The following PARP15 variants were observed in gnomAD, a reference collection of about 807,000 sequenced individuals.
PARP15 encodes the protein poly(ADP-ribose) polymerase family member 15.
A neutral mutation model predicts 62.1 loss-of-function variants in PARP15; 50 were observed. The observed-to-expected ratio is 0.81, with a 90% CI of 0.64 to 1.02. The LOEUF (loss-of-function observed/expected upper bound fraction) is 1.02. PARP15 is among the 50% of genes least tolerant of loss of function. The probability of loss-of-function intolerance (pLI) is 0.00; values close to 1 mark genes in which losing one functional copy is unlikely to be tolerated. For missense variants in PARP15, 820 were observed against 826.5 expected, an observed-to-expected ratio of 0.99 and a Z score of 0.10; for synonymous variants, 309 against 293.1, an observed-to-expected ratio of 1.05 and a Z score of -0.55.
chr3:122,623,195 G>A (rs1269123513), intron 8 of PARP15, among the ~76,000 whole-genome samples: 4 of 152,094 alleles, frequency 2.6e-5, no homozygotes, highest in South Asian at 4.1e-4. Flanking sequence ...CATTTCTCCC[G>A]ATCTGGAGCT....
rs1291312018 is a variant in PARP15 at position 122,638,706 on chromosome 3, T to C, written c.*2606T>C. 6.6e-6 allele frequency: 1 copy of C among 152,222 alleles called. No homozygotes were observed. The highest frequency in any genetic ancestry group is 1.5e-5 in the Non-Finnish European group (1 of 68,038). The allele number at this position is 152,222 out of a possible 1,614,324, so 9.4% of individuals were successfully genotyped here. A position where few individuals can be genotyped will look rare whatever the true frequency, so the allele number is the denominator to read the frequency against. ...TTGTAGATTCTGGATATTAGCCCTTTGTCAGATGAGTAGATTGCAAAAATT... is the reference window on the plus strand; with the variant it reads ...TTGTAGATTCTGGATATTAGCCCTTCGTCAGATGAGTAGATTGCAAAAATT... On this transcript the variant is annotated 3_prime_UTR_variant, in exon 12 of 12. Transcript: ENST00000464300.
intron 1 of PARP15, among the ~76,000 whole-genome samples, chr3:122,590,515 C>T (rs1263842071): frequency 2.0e-5 from 3 of 152,152 alleles, no homozygotes; most frequent in African/African-American, 7.2e-5. Flanking sequence ...ACCTCGTGAT[C>T]CACCTGCCTC....
At chr3:122,584,873 G>C (rs376616593) in intron 1 of PARP15, among the ~76,000 whole-genome samples, 4 of 152,032 alleles carry the variant, frequency 2.6e-5, no homozygotes, top group Non-Finnish European at 5.9e-5. Context: ...CTACCACGCC[G>C]GGCCCATTTC....
chr3:122,593,873 A>G (rs1369317647), intron 1 of PARP15, among the ~76,000 whole-genome samples: 1 of 152,194 alleles, frequency 6.6e-6, no homozygotes, highest in Non-Finnish European at 1.5e-5. Flanking sequence ...TCTAACACTC[A>G]GTAAGAGAGA....
At chr3:122,602,434 G>A (rs1322994362) in intron 1 of PARP15, among the ~76,000 whole-genome samples, 3 of 152,116 alleles carry the variant, frequency 2.0e-5, no homozygotes, top group African/African-American at 4.8e-5. Flanking sequence ...AGGGTACACC[G>A]AAAAACATAT....
intron 8 of PARP15, 53 bp from the exon 9 acceptor site, chr3:122,626,774 A>G (rs1936753170): frequency 2.0e-6 from 3 of 1,524,940 alleles, no homozygotes; most frequent in Admixed American, 3.7e-5. Context: ...GCCATATTTC[A>G]TCATATTAGC....
chr3:122,621,438 T>C lies in PARP15; in HGVS notation c.1064-6T>C, dbSNP rs752190639. The C allele has an allele frequency of 1.6e-5, 26 of 1,591,392 alleles. No homozygotes were observed. The highest frequency in any genetic ancestry group is 3.4e-5 in the South Asian group (3 of 87,074). On this transcript the variant is annotated splice_region_variant and splice_polypyrimidine_tract_variant and intron_variant, in intron 7 of 11. Coordinates refer to ENST00000464300, the MANE Select transcript of PARP15 (RefSeq NM_001113523.3). ...TGCATGTTTGTTTTTCTTTCCTTTT[T>C]TTCAGCTGCACAGCCTCACAGAGAT...
chr3:122,605,085 G>A (rs1406380900), intron 1 of PARP15, among the ~76,000 whole-genome samples: 4 of 152,032 alleles, frequency 2.6e-5, no homozygotes, highest in South Asian at 2.1e-4. Context: ...CTGGTAGGGC[G>A]CATCATCAAA....
Position 122,638,125 on chromosome 3 carries a change from G to T in PARP15, c.*2025G>T, listed in dbSNP as rs1484202324. 2.0e-5 allele frequency: 3 copies of T among 151,912 alleles called. No homozygotes were observed. Among genetic ancestry groups the T allele is most frequent in the Non-Finnish European group, 4.4e-5 (3 of 67,960 alleles). The allele number at this position is 151,912 out of a possible 1,614,324, so 9.4% of individuals were successfully genotyped here. ...TCATCCATGTCCCTACAAAGGACAT[G>T]AACTCATCATTTTTTATGGCTGCAT... is the stretch of plus-strand genomic sequence containing the variant. On this transcript the variant is annotated 3_prime_UTR_variant, in exon 12 of 12. Transcript: ENST00000464300.
chr3:122,602,497 T>G (rs1421594150), intron 1 of PARP15, among the ~76,000 whole-genome samples: 1 of 152,200 alleles, frequency 6.6e-6, no homozygotes, highest in Non-Finnish European at 1.5e-5. Flanking sequence ...TCCTACACGT[T>G]TCTCCTGCGG....
intron 1 of PARP15, among the ~76,000 whole-genome samples, chr3:122,584,766 C>T (rs1038745383): frequency 6.6e-5 from 10 of 151,942 alleles, no homozygotes; most frequent in East Asian, 3.9e-4. Context: ...TTAGTGGAGA[C>T]GGCGTTTCAC....
intron 1 of PARP15, among the ~76,000 whole-genome samples, chr3:122,580,374 G>A (rs369272500): frequency 7.2e-5 from 11 of 152,200 alleles, no homozygotes; most frequent in East Asian, 3.9e-4. Flanking sequence ...TCCTCTTGAT[G>A]AATTGGTTCA....
At chr3:122,597,468 G>A (rs925428932) in intron 1 of PARP15, among the ~76,000 whole-genome samples, 4 of 151,934 alleles carry the variant, frequency 2.6e-5, no homozygotes, top group South Asian at 2.1e-4. Context: ...CCATTAACTC[G>A]TCATCCTGAT....
In PARP15 at chr3:122,638,794, C is replaced by G. The variant is rs958856209; in HGVS notation, c.*2694C>G. The G allele has an allele frequency of 3.9e-5, 6 of 152,222 alleles. No individual in the cohort carries two copies. The highest frequency in any genetic ancestry group is 8.8e-5 in the Non-Finnish European group (6 of 68,002). 9.4% of individuals were successfully genotyped at this position (152,222 alleles called of 1,614,324 possible). On this transcript the variant is annotated 3_prime_UTR_variant, in exon 12 of 12. Coordinates refer to ENST00000464300, the MANE Select transcript of PARP15 (RefSeq NM_001113523.3). Reference sequence around the variant, plus strand: ...TAGTTTCTTTTGTTGTACAGAAGCTCTTTAGTTTAATTAGATCCCATATTT... The same window carrying G: ...TAGTTTCTTTTGTTGTACAGAAGCTGTTTAGTTTAATTAGATCCCATATTT...
intron 8 of PARP15, 58 bp downstream of exon 8, chr3:122,621,669 G>A (rs897190050): frequency 1.0e-4 from 155 of 1,479,662 alleles, no homozygotes; most frequent in Non-Finnish European, 1.4e-4. Context: ...TTTAGAATTA[G>A]TCTCACTCTT....
chr3:122,597,647 C>T (rs1324513163), intron 1 of PARP15, among the ~76,000 whole-genome samples: 1 of 152,060 alleles, frequency 6.6e-6, no homozygotes, highest in Non-Finnish European at 1.5e-5. Context: ...GTATTTGTTG[C>T]AATTTGGAAA....
intron 1 of PARP15, among the ~76,000 whole-genome samples, chr3:122,592,538 G>A (rs1483371152): frequency 2.0e-5 from 3 of 151,356 alleles, no homozygotes; most frequent in African/African-American, 7.3e-5. Context: ...AAACCACCAC[G>A]GCAAACATTT....
In PARP15 at chr3:122,610,640, A is replaced by G. The variant is rs892775608; in HGVS notation, c.453A>G (p.Ile151Met). 1 of 1,551,618 alleles carries G rather than the reference A, an allele frequency of 6.4e-7. No individual in the cohort carries two copies. ...RRETEEKVGN[I>M]FMTSGCNLDC... The stretch of plus-strand genomic sequence containing the variant: ...AAACAGAGGAAAAAGTAGGTAACAT[A>G]TTCATGACAAGCGGCTGCAATCTGG... The change falls in exon 3 of 12, where the codon ATA becomes ATG. Residue 151 changes from isoleucine to methionine, a missense_variant. Transcript: ENST00000464300.
chr3:122,635,235 C>CAAT (rs775861274), intron 11 of PARP15, 41 bp downstream of exon 11: 4 of 1,582,262 alleles, frequency 2.5e-6, no homozygotes, highest in South Asian at 1.1e-5. Context: ...ATAAGGCAAA[C>CAAT]AATAGTCTCA....
Sources: allele counts gnomAD v4.1 joint callset (sites outside exome capture counted in the v4.1 genomes callset), GRCh38; gene constraint gnomAD v4.1.1; transcripts MANE v1.5; gene names NCBI Gene and HGNC (gene_info 2026-07-23, HGNC 2026-07-21).